Variants in SSBP2 observed in about 807,000 individuals in gnomAD.
SSBP2 encodes single-stranded DNA-binding protein 2.
Under a neutral mutation model 61.8 loss-of-function variants are expected in SSBP2, and 17 were observed. That is an observed-to-expected ratio of 0.28 (90% CI 0.19 to 0.41). The LOEUF (loss-of-function observed/expected upper bound fraction) is 0.41. Among genes scored for constraint, SSBP2 ranks in the 10% least tolerant of loss-of-function variants. The pLI is 1.00. For missense variants in SSBP2, 310 were observed against 458.7 expected (o/e 0.68, Z 2.96); for synonymous variants, 139 against 141.3 (o/e 0.98, Z 0.12).
At chr5:81,670,118 T>C (rs1163711815) in intron 1 of SSBP2, among the ~76,000 whole-genome samples, 2 of 152,254 alleles carry the variant, frequency 1.3e-5, no homozygotes, top group Middle Eastern at 3.4e-3. Flanking sequence ...CCAAAACTCA[T>C]AGAATGCACA....
At chr5:81,532,145 C>A (rs766786950) in intron 4 of SSBP2, among the ~76,000 whole-genome samples, 1 of 151,978 alleles carries the variant, frequency 6.6e-6, no homozygotes, top group East Asian at 1.9e-4. Context: ...GAAATGTACA[C>A]CTAAAAGGAA....
chr5:81,592,198 G>A (rs1490248758), intron 4 of SSBP2, among the ~76,000 whole-genome samples: 1 of 152,236 alleles, frequency 6.6e-6, no homozygotes, highest in Admixed American at 6.5e-5. Context: ...TCCCGCACTT[G>A]GCTCGGAGGG....
chr5:81,704,202 A>G (rs1333071235), intron 1 of SSBP2, among the ~76,000 whole-genome samples: 1 of 152,232 alleles, frequency 6.6e-6, no homozygotes, highest in Non-Finnish European at 1.5e-5. Flanking sequence ...TAATGATGAC[A>G]TGACTACGAT....
At chr5:81,600,991 C>CGTTG (rs1448988674) in intron 4 of SSBP2, among the ~76,000 whole-genome samples, 1 of 152,044 alleles carries the variant, frequency 6.6e-6, no homozygotes, top group Non-Finnish European at 1.5e-5. Flanking sequence ...AAGCAAAAGG[C>CGTTG]GTTGCACTAT....
At chr5:81,724,888 G>A (rs1755774007) in intron 1 of SSBP2, among the ~76,000 whole-genome samples, 1 of 152,062 alleles carries the variant, frequency 6.6e-6, no homozygotes, top group Non-Finnish European at 1.5e-5. Flanking sequence ...ACAGGTTAAT[G>A]TCTAGAATAT....
intron 5 of SSBP2, among the ~76,000 whole-genome samples, chr5:81,497,214 G>T (rs1407671588): frequency 6.6e-6 from 1 of 152,130 alleles, no homozygotes; most frequent in South Asian, 2.1e-4. Context: ...GTTTTTAAGG[G>T]AATAGTAGAG....
intron 1 of SSBP2, among the ~76,000 whole-genome samples, chr5:81,741,376 T>C (rs894195092): frequency 5.9e-5 from 9 of 152,148 alleles, no homozygotes; most frequent in Non-Finnish European, 1.0e-4. Context: ...AGTTTCAGTC[T>C]GGAAACATGA....
intron 4 of SSBP2, among the ~76,000 whole-genome samples, chr5:81,557,713 C>T (rs1336297824): frequency 6.6e-6 from 1 of 152,146 alleles, no homozygotes; most frequent in African/African-American, 2.4e-5. Context: ...CATATTTCTA[C>T]CTAACATGTT....
chr5:81,678,993 G>A (rs1347697490), intron 1 of SSBP2, among the ~76,000 whole-genome samples: 1 of 152,020 alleles, frequency 6.6e-6, no homozygotes, highest in East Asian at 1.9e-4. Context: ...AATAAGTAAA[G>A]GTAAAATAAA....
chr5:81,749,211 C>T (rs1162210173), intron 1 of SSBP2, among the ~76,000 whole-genome samples: 1 of 152,152 alleles, frequency 6.6e-6, no homozygotes, highest in Non-Finnish European at 1.5e-5. Flanking sequence ...GGCTATAACG[C>T]TATGTCTTTT....
At chr5:81,599,827 T>C (rs1744162288) in intron 4 of SSBP2, among the ~76,000 whole-genome samples, 1 of 152,204 alleles carries the variant, frequency 6.6e-6, no homozygotes, top group African/African-American at 2.4e-5. Context: ...GCTCAACAAA[T>C]TCTGAACTCC....
At chr5:81,747,186 C>T (rs1193394186) in intron 1 of SSBP2, among the ~76,000 whole-genome samples, 1 of 152,172 alleles carries the variant, frequency 6.6e-6, no homozygotes, top group Non-Finnish European at 1.5e-5. Context: ...AAGTCTGTCA[C>T]ATCTGATTAT....
chr5:81,696,080 G>A (rs950946029), intron 1 of SSBP2, among the ~76,000 whole-genome samples: 3 of 152,154 alleles, frequency 2.0e-5, no homozygotes, highest in South Asian at 4.1e-4. Flanking sequence ...TGCAGCATCT[G>A]AGAAACTCAA....
chr5:81,644,986 A>C (rs1749130225), intron 2 of SSBP2, among the ~76,000 whole-genome samples: 1 of 152,228 alleles, frequency 6.6e-6, no homozygotes, highest in Admixed American at 6.5e-5. Context: ...TTTAAATAAG[A>C]AACTATACAA....
intron 1 of SSBP2, among the ~76,000 whole-genome samples, chr5:81,701,074 A>G (rs1753950363): frequency 6.6e-6 from 1 of 152,162 alleles, no homozygotes; most frequent in African/African-American, 2.4e-5. Flanking sequence ...GGCTTTTGAC[A>G]TGTCTTCTTC....
At chr5:81,489,087 C>T (rs986226944) in intron 6 of SSBP2, among the ~76,000 whole-genome samples, 163 bp downstream of exon 6, 1 of 151,694 alleles carries the variant, frequency 6.6e-6, no homozygotes, top group Non-Finnish European at 1.5e-5. Context: ...TAAAAAATAG[C>T]TAGCTTATGA....
chr5:81,632,003 T>C (rs2153660546), intron 3 of SSBP2, among the ~76,000 whole-genome samples: 1 of 152,250 alleles, frequency 6.6e-6, no homozygotes, highest in East Asian at 1.9e-4. Flanking sequence ...ATTGGGAAGA[T>C]AGAGGGGAAA....
chr5:81,580,781 G>A (rs1219905457), intron 4 of SSBP2, among the ~76,000 whole-genome samples: 1 of 151,062 alleles, frequency 6.6e-6, no homozygotes, highest in Non-Finnish European at 1.5e-5. Flanking sequence ...GCTAATAGAA[G>A]GCAAGGACAT....
intron 1 of SSBP2, among the ~76,000 whole-genome samples, chr5:81,673,562 G>C (rs777196991): frequency 6.6e-6 from 1 of 152,056 alleles, no homozygotes; most frequent in Non-Finnish European, 1.5e-5. Context: ...TGCCAAAAGA[G>C]CTAATTTTAC....
Sources: allele counts gnomAD v4.1 joint callset (sites outside exome capture counted in the v4.1 genomes callset), GRCh38; gene constraint gnomAD v4.1.1; transcripts MANE v1.5; gene names NCBI Gene and HGNC (gene_info 2026-07-23, HGNC 2026-07-21).